The following ERC2 variants were observed in gnomAD, a reference collection of about 807,000 sequenced individuals.
ERC2 encodes the protein ELKS/RAB6-interacting/CAST family member 2.
Under a neutral mutation model 114.8 loss-of-function variants are expected in ERC2, and 42 were observed. The ratio of observed to expected loss-of-function variants is 0.37; its 90% CI spans 0.29 to 0.47. The LOEUF (loss-of-function observed/expected upper bound fraction) is 0.47, where lower values mean the gene tolerates loss of function less well. Ranked by LOEUF, ERC2 falls within the 20% of genes least tolerant of loss-of-function variation. The probability of loss-of-function intolerance (pLI) is 0.99; values close to 1 mark genes in which losing one functional copy is unlikely to be tolerated. For synonymous variants in ERC2, 454 were observed against 425.5 expected, an observed-to-expected ratio of 1.07 and a Z score of -0.82; for missense variants, 939 against 1,150.7, an observed-to-expected ratio of 0.82 and a Z score of 2.66.
At chr3:55,680,576 T>C (rs2062011455) in intron 17 of ERC2, among the ~76,000 whole-genome samples, 1 of 152,192 alleles carries the variant, frequency 6.6e-6, no homozygotes, top group Non-Finnish European at 1.5e-5. Context: ...CAAGGCAAGA[T>C]AGGGAATACA....
At chr3:56,455,804 T>G (rs1436370258) in intron 1 of ERC2, among the ~76,000 whole-genome samples, 1 of 152,220 alleles carries the variant, frequency 6.6e-6, no homozygotes, top group African/African-American at 2.4e-5. Context: ...TTTCCCATCT[T>G]CTATTTAAAT....
intron 14 of ERC2, among the ~76,000 whole-genome samples, chr3:55,772,607 T>G (rs1202072828): frequency 6.6e-6 from 1 of 152,242 alleles, no homozygotes; most frequent in Non-Finnish European, 1.5e-5. Flanking sequence ...TAAGCCACTG[T>G]GCCTGGCCTA....
intron 17 of ERC2, among the ~76,000 whole-genome samples, chr3:55,636,065 G>T (rs1043120669): frequency 6.6e-6 from 1 of 151,452 alleles, no homozygotes; most frequent in Non-Finnish European, 1.5e-5. Flanking sequence ...TAGTAGAGGC[G>T]GGGTTTCACC....
intron 13 of ERC2, among the ~76,000 whole-genome samples, chr3:55,937,330 C>G (rs2066509608): frequency 6.6e-6 from 1 of 152,210 alleles, no homozygotes; most frequent in Admixed American, 6.5e-5. Flanking sequence ...GCCTGGGTGA[C>G]AGAGTGAGAC....
At chr3:55,581,850 C>T (rs1392312031) in intron 17 of ERC2, among the ~76,000 whole-genome samples, 1 of 152,192 alleles carries the variant, frequency 6.6e-6, no homozygotes. Flanking sequence ...GAGAACTCTG[C>T]CATCAGGGAG....
intron 17 of ERC2, among the ~76,000 whole-genome samples, chr3:55,552,976 T>C (rs1406350719): frequency 1.3e-5 from 2 of 150,226 alleles, no homozygotes; most frequent in Non-Finnish European, 3.0e-5. Flanking sequence ...TCTAACTTAA[T>C]AATTTCTGTG....
intron 6 of ERC2, among the ~76,000 whole-genome samples, chr3:56,137,705 G>A (rs1254049887): frequency 6.6e-6 from 1 of 152,164 alleles, no homozygotes; most frequent in Non-Finnish European, 1.5e-5. Flanking sequence ...CATAGTTTTG[G>A]TTGACCCCTA....
At chr3:56,046,333 G>A (rs2149673883) in intron 7 of ERC2, among the ~76,000 whole-genome samples, 1 of 152,276 alleles carries the variant, frequency 6.6e-6, no homozygotes, top group South Asian at 2.1e-4. Flanking sequence ...CAGGACATGG[G>A]TCCAGGAAGA....
intron 1 of ERC2, among the ~76,000 whole-genome samples, chr3:56,437,423 G>A (rs114049137): frequency 2.6e-4 from 40 of 152,312 alleles, no homozygotes; most frequent in Middle Eastern, 3.4e-3. Context: ...ATGTTTTGTG[G>A]TGGACTGTTT....
chr3:55,942,301 T>TTTTTTTTG (rs1559906638), intron 13 of ERC2, among the ~76,000 whole-genome samples: 6 of 120,844 alleles, frequency 5.0e-5, no homozygotes, highest in African/African-American at 2.0e-4. Flanking sequence ...TTTTTTTTTT[T>TTTTTTTTG]TTGTTGAGAC....
intron 14 of ERC2, among the ~76,000 whole-genome samples, chr3:55,863,194 G>A (rs1225233548): frequency 6.6e-6 from 1 of 152,062 alleles, no homozygotes; most frequent in Non-Finnish European, 1.5e-5. Context: ...TGTATGGCAT[G>A]GTCTCAATTT....
chr3:55,618,352 G>C (rs558643196), intron 17 of ERC2, among the ~76,000 whole-genome samples: 1 of 152,304 alleles, frequency 6.6e-6, no homozygotes, highest in African/African-American at 2.4e-5. Flanking sequence ...CAATATTAAT[G>C]TGCAACTTCC....
At chr3:56,416,335 T>G (rs186699345) in intron 2 of ERC2, among the ~76,000 whole-genome samples, 14 of 152,268 alleles carry the variant, frequency 9.2e-5, no homozygotes, top group Admixed American at 9.2e-4. Flanking sequence ...CTTCCAGGCT[T>G]GGTTCCATGA....
At chr3:55,534,589 G>A (rs905470909) in intron 17 of ERC2, among the ~76,000 whole-genome samples, 2 of 151,978 alleles carry the variant, frequency 1.3e-5, no homozygotes, top group African/African-American at 4.8e-5. Flanking sequence ...CCACCTACTT[G>A]GGAGGCTGAG....
At chr3:56,001,624 A>G (rs1407037107) in intron 10 of ERC2, among the ~76,000 whole-genome samples, 1 of 152,138 alleles carries the variant, frequency 6.6e-6, no homozygotes, top group African/African-American at 2.4e-5. Flanking sequence ...AAAGTTGATG[A>G]TGCCATGTCA....
chr3:56,455,211 T>C (rs2107538590), intron 1 of ERC2, among the ~76,000 whole-genome samples: 1 of 151,778 alleles, frequency 6.6e-6, no homozygotes, highest in Non-Finnish European at 1.5e-5. Context: ...ATGTTATGTA[T>C]ATTTTACCAC....
chr3:56,108,260 A>G (rs1003546844), intron 6 of ERC2, among the ~76,000 whole-genome samples: 3 of 152,156 alleles, frequency 2.0e-5, no homozygotes, highest in Admixed American at 1.3e-4. Flanking sequence ...TTTCCACAGC[A>G]AAGAACCAAT....
intron 17 of ERC2, among the ~76,000 whole-genome samples, chr3:55,526,515 G>A (rs558590376): frequency 5.9e-5 from 9 of 152,286 alleles, no homozygotes; most frequent in South Asian, 2.1e-4. Flanking sequence ...TCAAAGGCCC[G>A]CGTCGTGGCT....
intron 17 of ERC2, among the ~76,000 whole-genome samples, chr3:55,543,902 C>T (rs1030853400): frequency 3.9e-5 from 6 of 152,178 alleles, no homozygotes; most frequent in African/African-American, 1.2e-4. Context: ...CACCTCCCCA[C>T]GATCCTCAAT....
Sources: gnomAD v4.1 joint callset for allele counts (sites outside exome capture counted in the v4.1 genomes callset) on GRCh38, gnomAD v4.1.1 for gene constraint, MANE v1.5 for transcripts, NCBI Gene and HGNC (gene_info 2026-07-23, HGNC 2026-07-21) for gene names.